The following VGLL3 variants were observed in gnomAD, a reference collection of about 807,000 sequenced individuals.
VGLL3 encodes the protein vestigial like family member 3.
Under a neutral mutation model 29.2 loss-of-function variants are expected in VGLL3, and 18 were observed. The ratio of observed to expected loss-of-function variants is 0.62; its 90% CI spans 0.43 to 0.91. The LOEUF (loss-of-function observed/expected upper bound fraction) is 0.91. VGLL3 is among the 40% of genes least tolerant of loss of function. The probability of loss-of-function intolerance (pLI) is 0.00; values close to 1 mark genes in which losing one functional copy is unlikely to be tolerated. For synonymous variants in VGLL3, 180 were observed against 151.8 expected (o/e 1.19, Z -1.36); for missense variants, 440 against 413.2 (o/e 1.06, Z -0.56).
chr3:86,961,754 C>T (rs540379213), intron 3 of VGLL3, among the ~76,000 whole-genome samples: 4 of 152,130 alleles, frequency 2.6e-5, no homozygotes, highest in South Asian at 2.1e-4. Flanking sequence ...CTAGGTTACA[C>T]GCAGCTTAAT....
chr3:86,976,992 A>T (rs908100587), intron 2 of VGLL3, among the ~76,000 whole-genome samples: 18 of 152,308 alleles, frequency 1.2e-4, no homozygotes, highest in African/African-American at 3.4e-4. Flanking sequence ...GTTAAATAGG[A>T]CATTAGTCTA....
At chr3:86,948,727 T>C (rs575002645) in intron 3 of VGLL3, among the ~76,000 whole-genome samples, 3 of 152,268 alleles carry the variant, frequency 2.0e-5, no homozygotes, top group East Asian at 3.9e-4. Flanking sequence ...ACCACAAGCA[T>C]ACTGGTTTTA....
At chr3:86,982,615 C>A (rs1705350351) in intron 1 of VGLL3, among the ~76,000 whole-genome samples, 1 of 152,194 alleles carries the variant, frequency 6.6e-6, no homozygotes, top group South Asian at 2.1e-4. Context: ...TCATCAGAAC[C>A]AAGATTTCCT....
rs1296782019 is a variant in VGLL3, at chr3:86,943,984, C to T, written c.*3040G>A. ...ATAAAATTGTGGAGGCAGATAGTAG[C>T]CCTCAATAAAACAGTTCGGAAGCCT... On this transcript the variant is annotated 3_prime_UTR_variant, in exon 4 of 4. Coordinates refer to ENST00000398399, the MANE Select transcript of VGLL3 (RefSeq NM_016206.4). The T allele has an allele frequency of 6.6e-6, 1 of 152,056 alleles. No individual in the cohort carries two copies. Among genetic ancestry groups the T allele is most frequent in the Non-Finnish European group, 1.5e-5 (1 of 68,008 alleles). 9.4% of individuals were successfully genotyped at this position (152,056 alleles called of 1,614,324 possible).
intron 3 of VGLL3, among the ~76,000 whole-genome samples, chr3:86,952,460 T>C (rs1293413913): frequency 1.3e-5 from 2 of 152,098 alleles, no homozygotes; most frequent in Admixed American, 1.3e-4. Context: ...ATTAATTTTA[T>C]TGCGGGAGAT....
chr3:86,969,261 C>G, intron 2 of VGLL3, 138 bp from the exon 3 acceptor site: 1 of 1,087,166 alleles, frequency 9.2e-7, no homozygotes. Flanking sequence ...TCTCCCCAAA[C>G]AGGGGTGAAT....
chr3:86,979,541 T>C (rs1411295945), intron 1 of VGLL3, among the ~76,000 whole-genome samples: 1 of 152,124 alleles, frequency 6.6e-6, no homozygotes, highest in African/African-American at 2.4e-5. Context: ...ATTTAAAATG[T>C]TTAAAAATAT....
chr3:86,969,180 C>T, intron 2 of VGLL3, 57 bp from the exon 3 acceptor site: 1 of 1,508,734 alleles, frequency 6.6e-7, no homozygotes, highest in Non-Finnish European at 8.9e-7. Flanking sequence ...TTGGGATAGA[C>T]TTGCCTCTAA....
chr3:86,955,556 A>T (rs1258794575), intron 3 of VGLL3, among the ~76,000 whole-genome samples: 1 of 151,714 alleles, frequency 6.6e-6, no homozygotes, highest in Non-Finnish European at 1.5e-5. Context: ...CGCCTGGCTA[A>T]TTTTTTGTAT....
chr3:86,968,526 A>C, intron 3 of VGLL3, 64 bp downstream of exon 3: 3 of 1,507,998 alleles, frequency 2.0e-6, no homozygotes, highest in Non-Finnish European at 2.7e-6. Context: ...TTTCAAAACA[A>C]ATTTCCACCC....
intron 3 of VGLL3, chr3:86,962,554 TA>T: frequency 3.1e-6 from 3 of 977,858 alleles, no homozygotes; most frequent in Non-Finnish European, 3.6e-6. Flanking sequence ...AAAAAAAATT[TA>T]AAAAACAAAA....
rs531797408 is a variant in VGLL3 at position 86,939,272 on chromosome 3, C to T, written c.*7752G>A. ...GTAGGTAGAATAATGGCTCCAAGTCCTAATCCCCAGAACCATTGAATATGT... is the reference window on the plus strand; with the variant it reads ...GTAGGTAGAATAATGGCTCCAAGTCTTAATCCCCAGAACCATTGAATATGT... On this transcript the variant is annotated 3_prime_UTR_variant, in exon 4 of 4. Transcript: ENST00000398399. 7.2e-5 allele frequency: 11 copies of T among 152,138 alleles called. No homozygotes were observed. The highest frequency in any genetic ancestry group is 1.3e-4 in the Non-Finnish European group (9 of 68,038). The allele number at this position is 152,138 out of a possible 1,614,324, so 9.4% of individuals were successfully genotyped here. A position where few individuals can be genotyped will look rare whatever the true frequency, so the allele number is the denominator to read the frequency against.
chr3:86,983,748 G>A (rs951799269), intron 1 of VGLL3, among the ~76,000 whole-genome samples: 2 of 152,112 alleles, frequency 1.3e-5, no homozygotes, highest in African/African-American at 4.8e-5. Context: ...GAGAAGGATA[G>A]GTCAAGTTAT....
intron 3 of VGLL3, among the ~76,000 whole-genome samples, chr3:86,958,240 G>A (rs542121730): frequency 1.9e-4 from 29 of 151,988 alleles, no homozygotes; most frequent in African/African-American, 6.8e-4. Context: ...TTCTATTTAT[G>A]GGAGGTAGAC....
At position 86,990,650 on chromosome 3, in the gene VGLL3, A is replaced by T; in HGVS notation, c.94T>A (p.Tyr32Asn). Residue 32 changes from tyrosine to asparagine, a missense_variant, in exon 1 of 4, where the codon TAC becomes AAC. By Grantham distance (143) the Tyr-to-Asn change is moderately radical. Coordinates refer to ENST00000398399, the MANE Select transcript of VGLL3 (RefSeq NM_016206.4). ...CCAGGTTGGGGCGCCGGCTGATAGT[A>T]GGCTGTGGGGCAGGTTGTCGCTGCC... is the stretch of plus-strand genomic sequence containing the variant. Reference protein sequence around the residue: ...PMAATTCPTAYYQPAPQPGQQ... With the variant: ...PMAATTCPTANYQPAPQPGQQ... 7.2e-7 allele frequency: 1 copy of T among 1,391,028 alleles called. No homozygotes were observed. The highest frequency in any genetic ancestry group is 9.4e-7 in the Non-Finnish European group (1 of 1,067,272). 86.2% of individuals were successfully genotyped at this position (1,391,028 alleles called of 1,614,324 possible). A position where few individuals can be genotyped will look rare whatever the true frequency, so the allele number is the denominator to read the frequency against.
At chr3:86,959,223 T>C (rs1350249084) in intron 3 of VGLL3, among the ~76,000 whole-genome samples, 1 of 152,180 alleles carries the variant, frequency 6.6e-6, no homozygotes, top group Non-Finnish European at 1.5e-5. Context: ...GGCTTCCATA[T>C]AGAACTGTCA....
chr3:86,990,320 C>A, intron 1 of VGLL3: 1 of 985,334 alleles, frequency 1.0e-6, no homozygotes, highest in Non-Finnish European at 1.2e-6. Context: ...GATAGATGCC[C>A]TTGGTGAGCT....
Position 86,946,766 on chromosome 3 carries a change from G to A in VGLL3, c.*258C>T. 1 of 372,328 alleles carries A rather than the reference G, an allele frequency of 2.7e-6. No individual in the cohort carries two copies. Among genetic ancestry groups the A allele is most frequent in the South Asian group, 7.3e-5 (1 of 13,766 alleles). 23.1% of individuals were successfully genotyped at this position (372,328 alleles called of 1,614,324 possible). A position where few individuals can be genotyped will look rare whatever the true frequency, so the allele number is the denominator to read the frequency against. Reference sequence around the variant, plus strand: ...AAAACTTAGCTATATATTGATAAAAGCAAGATAACAAAAGGAGAGAGTTGC... The same window carrying A: ...AAAACTTAGCTATATATTGATAAAAACAAGATAACAAAAGGAGAGAGTTGC... On this transcript the variant is annotated 3_prime_UTR_variant, in exon 4 of 4. Transcript: ENST00000398399.
At chr3:86,979,984 G>A (rs1410107840) in intron 1 of VGLL3, among the ~76,000 whole-genome samples, 1 of 151,900 alleles carries the variant, frequency 6.6e-6, no homozygotes, top group African/African-American at 2.4e-5. Context: ...ATTTTTCACT[G>A]AGCACATATT....
Sources: gnomAD v4.1 joint callset for allele counts (sites outside exome capture counted in the v4.1 genomes callset) on GRCh38, gnomAD v4.1.1 for gene constraint, MANE v1.5 for transcripts, NCBI Gene and HGNC (gene_info 2026-07-23, HGNC 2026-07-21) for gene names.